Variants in CLUH observed in about 807,000 individuals in gnomAD.
CLUH encodes the protein clustered mitochondria protein homolog.
CLUH carries 77 observed loss-of-function variants against 139.3 expected under a neutral mutation model. That is an observed-to-expected ratio of 0.55 (90% CI 0.46 to 0.67). The LOEUF (loss-of-function observed/expected upper bound fraction) is 0.67, where lower values mean the gene tolerates loss of function less well. Among genes scored for constraint, CLUH ranks in the 30% least tolerant of loss-of-function variants. CLUH has a pLI of 0.00. For synonymous variants in CLUH, 999 were observed against 801.6 expected, an observed-to-expected ratio of 1.25 and a Z score of -4.16; for missense variants, 1,876 against 1,875.8, an observed-to-expected ratio of 1.00 and a Z score of 0.00.
At position 2,694,516 on chromosome 17, in the gene CLUH, C is replaced by A. The variant is rs1292530929; in HGVS notation, c.2901G>T (p.Thr967=). ...AVETYGLQKI[T]LLREISLKTG... ...TTTTCAGCGAGATCTCCCGCAGGAG[C>A]GTTATCTTCTGCAGGCCGTAGGTCT... The change falls in exon 17 of 26, where the codon ACG becomes ACT. Residue 967 remains threonine (T), a synonymous_variant. Transcript: ENST00000651024. 4 of 1,584,360 alleles carry A rather than the reference C, an allele frequency of 2.5e-6. No homozygotes were observed. Among genetic ancestry groups the A allele is most frequent in the South Asian group, 1.2e-5 (1 of 86,224 alleles).
chr17:2,692,539 G>A (rs756061842), intron 21 of CLUH, 32 bp downstream of exon 21: 2 of 1,601,728 alleles, frequency 1.2e-6, no homozygotes, highest in East Asian at 2.2e-5. Flanking sequence ...GATGGAGCTG[G>A]GTCCCTGCCG....
At chr17:2,696,590 C>G in intron 11 of CLUH, 52 bp from the exon 12 acceptor site, 3 of 1,532,404 alleles carry the variant, frequency 2.0e-6, no homozygotes, top group Non-Finnish European at 2.6e-6. Context: ...ACCGGTGGAG[C>G]TGGGCTGCGC....
At chr17:2,695,746 A>G in intron 13 of CLUH, 1 of 640,618 alleles carries the variant, frequency 1.6e-6, no homozygotes, top group Non-Finnish European at 2.6e-6. Context: ...ATGTGGGAGA[A>G]GCAGAGGTGC....
intron 17 of CLUH, 24 bp downstream of exon 17, chr17:2,694,449 ACACAGCG>A (rs755775244): frequency 1.2e-5 from 18 of 1,517,944 alleles, no homozygotes; most frequent in East Asian, 2.5e-5. Context: ...CACAGCGGGG[ACACAGCG>A]GGGATGCTGT....
Position 2,695,507 on chromosome 17 carries a change from T to G in CLUH, c.2411A>C (p.His804Pro). 1 of 1,604,908 alleles carries G rather than the reference T, an allele frequency of 6.2e-7. No individual in the cohort carries two copies. The highest frequency in any genetic ancestry group is 8.5e-7 in the Non-Finnish European group (1 of 1,179,350). The stretch of plus-strand genomic sequence containing the variant: ...TGCCCCGTCCACGGGCAGGACCGCG[T>G]GCTCCATGCAGTCCTTCACCTGCGG... ...IPGLVKDCME[H>P]AVLPVDGATL... The change falls in exon 14 of 26, where the codon CAC (histidine) becomes CCC (proline). Residue 804 changes from histidine to proline, a missense_variant. By Grantham distance (77) the His-to-Pro change is moderately conservative. Transcript: ENST00000651024.
Position 2,704,640 on chromosome 17 carries a change from G to A in CLUH, c.101-76C>T. The A allele has an allele frequency of 7.3e-7, 1 of 1,374,568 alleles. No individual in the cohort carries two copies. Among genetic ancestry groups the A allele is most frequent in the South Asian group, 1.4e-5 (1 of 71,922 alleles). The allele number at this position is 1,374,568 out of a possible 1,614,324, so 85.1% of individuals were successfully genotyped here. A position where few individuals can be genotyped will look rare whatever the true frequency, so the allele number is the denominator to read the frequency against. ...GGCTGTCCGCCTGACCCCACACGGG[G>A]ACACGTGCCTTCTGGAAAGGCATCT... On this transcript the variant is annotated intron_variant, in intron 1 of 25. Transcript: ENST00000651024. This position sits in a 1 kb window ranked among gnomAD's most constrained non-coding sequence, Gnocchi z 5.7.
rs749931959 is a variant in CLUH, at chr17:2,696,773, C to T, written c.2131G>A (p.Gly711Ser). 50 of 1,612,742 alleles carry T rather than the reference C, an allele frequency of 3.1e-5. No individual in the cohort carries two copies. Among genetic ancestry groups the T allele is most frequent in the Non-Finnish European group, 3.9e-5 (46 of 1,179,886 alleles). The change falls in exon 11 of 26, where the codon GGC becomes AGC. Residue 711 changes from glycine (G) to serine (S), a missense_variant. This residue lies in a region of CLUH where 1,454 missense variants were observed against 1,384.4 expected (regional missense o/e 1.05). Transcript: ENST00000651024. ...GSEEEGSSAS[G>S]LAKVKELAET... The stretch of plus-strand genomic sequence containing the variant: ...GCCAGCTCCTTCACCTTGGCCAGGC[C>T]GCTGGCGCTGCTACCCTCCTCCTCA...
chr17:2,701,586 C>G, intron 5 of CLUH, 27 bp downstream of exon 5: 1 of 1,610,742 alleles, frequency 6.2e-7, no homozygotes, highest in Non-Finnish European at 8.5e-7. Flanking sequence ...GCCAGGGACC[C>G]TCTTCCTCCC....
Position 2,692,586 on chromosome 17 carries a change from C to G in CLUH, c.3423G>C (p.Glu1141Asp). ...CAGCACTCACGTCCAGCAGCGCCAT[C>G]TCGGGGTGGTCTTCCCCGAACACCA... ...MLLVFGEDHPEMALLDNNIGL... is the reference protein window; with the variant it reads ...MLLVFGEDHPDMALLDNNIGL... Residue 1141 changes from glutamate (E) to aspartate (D), a missense_variant, in exon 21 of 26, where the codon GAG becomes GAC. By Grantham distance (45) the Glu-to-Asp change is conservative. Around this residue, in one of 3 missense-constraint regions of CLUH, gnomAD observed 1,454 missense variants for 1,384.4 expected, o/e 1.05. Coordinates refer to ENST00000651024, the MANE Select transcript of CLUH (RefSeq NM_001366661.1). 1 of 1,612,192 alleles carries G rather than the reference C, an allele frequency of 6.2e-7. No individual in the cohort carries two copies. The highest frequency in any genetic ancestry group is 8.5e-7 in the Non-Finnish European group (1 of 1,179,430).
At position 2,694,445 on chromosome 17, in the gene CLUH, G is replaced by A. The variant is rs369056664; in HGVS notation, c.2937+35C>T. 40 of 1,513,342 alleles carry A rather than the reference G, an allele frequency of 2.6e-5. No homozygotes were observed. In the South Asian group the frequency reaches 4.7e-4, roughly 18 times the overall value. The allele number at this position is 1,513,342 out of a possible 1,614,324, so 93.7% of individuals were successfully genotyped here. ...AGCAGGGACGCAGCGGGGACACAGC[G>A]GGGACACAGCGGGGATGCTGTGAGC... On this transcript the variant is annotated intron_variant, in intron 17 of 25. Coordinates refer to ENST00000651024, the MANE Select transcript of CLUH (RefSeq NM_001366661.1).
rs200298015 is a variant in CLUH, at chr17:2,695,859, G to GGGAGGA, written c.2391+294_2391+299dup. 196 of 573,588 alleles carry GGGAGGA rather than the reference G, an allele frequency of 3.4e-4. 4 individuals are homozygous for GGGAGGA. The highest frequency in any genetic ancestry group is 3.2e-3 in the African/African-American group (169 of 53,254). The allele number at this position is 573,588 out of a possible 1,614,324, so 35.5% of individuals were successfully genotyped here. A position where few individuals can be genotyped will look rare whatever the true frequency, so the allele number is the denominator to read the frequency against. ...TCCTGGAACCAGACACAGAGCCTGC[G>GGGAGGA]GGAGGAGGAGGAGGATGGGCAGCCC... On this transcript the variant is annotated intron_variant, in intron 13 of 25. Transcript: ENST00000651024.
At chr17:2,705,346 A>T (rs56399638) in intron 1 of CLUH, among the ~76,000 whole-genome samples, 80,434 of 151,734 alleles carry the variant, frequency 0.53, 22,406 homozygotes, top group Non-Finnish European at 0.62. Flanking sequence ...CCTCCTAGGA[A>T]GCCCACTGCT....
intron 23 of CLUH, 32 bp from the exon 24 acceptor site, chr17:2,691,927 CCGT>C (rs1488013563): frequency 8.6e-7 from 1 of 1,156,302 alleles, no homozygotes; most frequent in Non-Finnish European, 1.1e-6. Flanking sequence ...TCAGGCCCCC[CCGT>C]GCCCCCGCGG....
rs1437061380 is a variant in CLUH at position 2,707,752 on chromosome 17, C to T, written c.101-3188G>A. ...CGGGTCCAGGCCATAAGGTGGCTGC[C>T]TCTGCCCACCAGTCCCAGACACTGA... On this transcript the variant is annotated intron_variant, in intron 1 of 25. Transcript: ENST00000651024. This position sits in a 1 kb window ranked among gnomAD's most constrained non-coding sequence, Gnocchi z 7.4. The T allele has an allele frequency of 1.0e-6, 1 of 985,334 alleles. No homozygotes were observed. 61.0% of individuals were successfully genotyped at this position (985,334 alleles called of 1,614,324 possible).
At chr17:2,694,818 C>A in intron 16 of CLUH, 39 bp downstream of exon 16, 1 of 1,466,936 alleles carries the variant, frequency 6.8e-7, no homozygotes, top group Non-Finnish European at 9.0e-7. Flanking sequence ...CCTCATCTGC[C>A]CAATCCCACC....
rs936556364 is a variant in CLUH, at chr17:2,701,017, G to A, written c.1025+123C>T. On this transcript the variant is annotated intron_variant, in intron 7 of 25. Coordinates refer to ENST00000651024, the MANE Select transcript of CLUH (RefSeq NM_001366661.1). ...CACTGGCCGACAGCTCCCTAGAGCGGGGACTCCAACACTGGGGGCCCAGGG... is the reference window on the plus strand; with the variant it reads ...CACTGGCCGACAGCTCCCTAGAGCGAGGACTCCAACACTGGGGGCCCAGGG... 6 of 1,530,440 alleles carry A rather than the reference G, an allele frequency of 3.9e-6. No individual in the cohort carries two copies. In the African/African-American group the frequency reaches 5.5e-5, roughly 14 times the overall value. 94.8% of individuals were successfully genotyped at this position (1,530,440 alleles called of 1,614,324 possible).
rs1310659329 is a variant in CLUH at position 2,691,899 on chromosome 17, C to T, written c.3655-4G>A. 5 of 1,526,186 alleles carry T rather than the reference C, an allele frequency of 3.3e-6. No individual in the cohort carries two copies. The highest frequency in any genetic ancestry group is 4.0e-5 in the Admixed American group (2 of 50,150). 94.5% of individuals were successfully genotyped at this position (1,526,186 alleles called of 1,614,324 possible). A position where few individuals can be genotyped will look rare whatever the true frequency, so the allele number is the denominator to read the frequency against. On this transcript the variant is annotated splice_polypyrimidine_tract_variant and splice_region_variant and intron_variant, in intron 23 of 25. Coordinates refer to ENST00000651024, the MANE Select transcript of CLUH (RefSeq NM_001366661.1). ...TCTTCTCATGGTCCTCGCCCAGCTG[C>T]GGGGAGGCGGGAAGGGATCAGGCCC...
intron 9 of CLUH, among the ~76,000 whole-genome samples, chr17:2,698,823 C>T (rs2070071760): frequency 6.6e-6 from 1 of 152,104 alleles, no homozygotes; most frequent in Non-Finnish European, 1.5e-5. Flanking sequence ...GCGGTCAGAC[C>T]ACTTGAGGTC....
Position 2,707,085 on chromosome 17 carries a change from G to T in CLUH, c.101-2521C>A. Reference sequence around the variant, plus strand: ...GTTTTACCCTAATCCTTCCTCCTAGGAACCCCGAAGGTCTCCCCACCCCTG... The same window carrying T: ...GTTTTACCCTAATCCTTCCTCCTAGTAACCCCGAAGGTCTCCCCACCCCTG... On this transcript the variant is annotated intron_variant, in intron 1 of 25. Transcript: ENST00000651024. The surrounding 1 kb of genome is among the most constrained non-coding windows in gnomAD (Gnocchi z 7.4). 2 of 762,886 alleles carry T rather than the reference G, an allele frequency of 2.6e-6. No homozygotes were observed. Among genetic ancestry groups the T allele is most frequent in the Non-Finnish European group, 3.2e-6 (2 of 626,540 alleles). 47.3% of individuals were successfully genotyped at this position (762,886 alleles called of 1,614,324 possible). A position where few individuals can be genotyped will look rare whatever the true frequency, so the allele number is the denominator to read the frequency against.
Sources: allele counts gnomAD v4.1 joint callset (sites outside exome capture counted in the v4.1 genomes callset), GRCh38; gene constraint gnomAD v4.1.1; regional missense constraint gnomAD v4.1.1; non-coding constraint Gnocchi (gnomAD v3.1); transcripts MANE v1.5; gene names NCBI Gene and HGNC (gene_info 2026-07-23, HGNC 2026-07-21).